The following ELMO1 variants were observed in gnomAD, a reference collection of about 807,000 sequenced individuals.
The protein encoded by ELMO1 is engulfment and cell motility 1.
In ELMO1, 26 loss-of-function variants were observed where a neutral mutation model predicts 98.9. That is an observed-to-expected ratio of 0.26 (90% CI 0.19 to 0.36). The LOEUF (loss-of-function observed/expected upper bound fraction) is 0.36, where lower values mean the gene tolerates loss of function less well. Ranked by LOEUF, ELMO1 falls within the 10% of genes least tolerant of loss-of-function variation. The pLI is 1.00. For synonymous variants in ELMO1, 346 were observed against 346.0 expected, an observed-to-expected ratio of 1.00 and a Z score of 0.00; for missense variants, 627 against 935.2, an observed-to-expected ratio of 0.67 and a Z score of 4.30.
chr7:37,236,911 T>C (rs192245557), intron 7 of ELMO1, among the ~76,000 whole-genome samples: 1 of 152,322 alleles, frequency 6.6e-6, no homozygotes, highest in Admixed American at 6.5e-5. Context: ...CTGAAATCAA[T>C]GCTGGGTATA....
intron 15 of ELMO1, among the ~76,000 whole-genome samples, chr7:37,023,338 CAAGAT>C (rs1255798585): frequency 2.0e-5 from 3 of 152,124 alleles, no homozygotes; most frequent in African/African-American, 4.8e-5. Flanking sequence ...ATCCAGTAGA[CAAGAT>C]AAAACTATAA....
chr7:37,256,609 G>C (rs1281006033), intron 6 of ELMO1, among the ~76,000 whole-genome samples: 1 of 127,096 alleles, frequency 7.9e-6, no homozygotes, highest in Non-Finnish European at 1.7e-5. Context: ...GGAGGGAAAA[G>C]GGGAGGGGAG....
chr7:36,953,836 G>GTTTT (rs1000254663), intron 16 of ELMO1, among the ~76,000 whole-genome samples: 1 of 129,588 alleles, frequency 7.7e-6, no homozygotes, highest in Non-Finnish European at 1.6e-5. Flanking sequence ...GTATGGGTAT[G>GTTTT]TTTTGTGTGT....
At chr7:36,953,412 T>A (rs1788158266) in intron 16 of ELMO1, among the ~76,000 whole-genome samples, 1 of 152,232 alleles carries the variant, frequency 6.6e-6, no homozygotes, top group African/African-American at 2.4e-5. Flanking sequence ...TATGTGTTTA[T>A]TACGCAAGTA....
At chr7:37,041,150 G>T (rs1795483740) in intron 15 of ELMO1, among the ~76,000 whole-genome samples, 1 of 152,088 alleles carries the variant, frequency 6.6e-6, no homozygotes, top group South Asian at 2.1e-4. Flanking sequence ...TCAGAGAAAA[G>T]AGGGGCATAT....
chr7:36,895,166 A>G, intron 16 of ELMO1, 149 bp from the exon 17 acceptor site: 3 of 806,220 alleles, frequency 3.7e-6, no homozygotes, highest in Non-Finnish European at 5.7e-6. Context: ...AAAACAGTCA[A>G]CTTCCATTAT....
In ELMO1 at chr7:37,211,378, T is replaced by C; in HGVS notation, c.1086+8A>G. On this transcript the variant is annotated splice_region_variant and intron_variant, in intron 13 of 21. Transcript: ENST00000310758. Reference sequence around the variant, plus strand: ...AGGGAGAGCGCATACTGGAGATAGCTTACTTACAATGAACCCAAGCTTCTT... The same window carrying C: ...AGGGAGAGCGCATACTGGAGATAGCCTACTTACAATGAACCCAAGCTTCTT... 6.2e-7 allele frequency: 1 copy of C among 1,613,960 alleles called. No homozygotes were observed. Among genetic ancestry groups the C allele is most frequent in the African/African-American group, 1.3e-5 (1 of 75,036 alleles).
rs187277003 is a variant in ELMO1, at chr7:36,962,808, C to A, written c.1437+50491G>T. Among the ~76,000 whole-genome samples the A allele has an allele frequency of 6.7e-3, 997 of 149,064 alleles. 28 individuals carry two copies. Among genetic ancestry groups the A allele is most frequent in the Admixed American group, 0.048 (704 of 14,750 alleles). On this transcript the variant is annotated intron_variant, in intron 16 of 21. Transcript: ENST00000310758. ...GCAGTTAGCATCAATAAACAAAGATCTTAAATAAAAGCTTTGGGTATGTGT... is the reference window on the plus strand; with the variant it reads ...GCAGTTAGCATCAATAAACAAAGATATTAAATAAAAGCTTTGGGTATGTGT...
intron 5 of ELMO1, chr7:37,271,561 T>G (rs1338419520): frequency 7.5e-6 from 3 of 399,976 alleles, no homozygotes; most frequent in Admixed American, 4.2e-5. Context: ...CTCATAATGT[T>G]TTGAGAAAGT....
intron 16 of ELMO1, among the ~76,000 whole-genome samples, chr7:36,965,067 C>T (rs1159898757): frequency 6.6e-6 from 1 of 152,104 alleles, no homozygotes; most frequent in Non-Finnish European, 1.5e-5. Context: ...GCTTTCCTGG[C>T]CTGAAACACT....
chr7:37,420,409 T>C (rs1804422882), intron 1 of ELMO1, among the ~76,000 whole-genome samples: 1 of 152,240 alleles, frequency 6.6e-6, no homozygotes, highest in South Asian at 2.1e-4. Context: ...TCATTCTAAA[T>C]AAACCATTCA....
intron 13 of ELMO1, among the ~76,000 whole-genome samples, chr7:37,147,856 T>C (rs1481835636): frequency 6.6e-6 from 1 of 151,440 alleles, no homozygotes; most frequent in Admixed American, 6.6e-5. Flanking sequence ...AGCCAGTTAT[T>C]TAGCCCAGGA....
At chr7:36,877,576 ACT>A (rs1325560213) in intron 19 of ELMO1, among the ~76,000 whole-genome samples, 2 of 152,212 alleles carry the variant, frequency 1.3e-5, no homozygotes, top group African/African-American at 4.8e-5. Flanking sequence ...TCTGCCATTA[ACT>A]CTGTGTCATA....
At chr7:36,981,973 G>A (rs570413386) in intron 16 of ELMO1, among the ~76,000 whole-genome samples, 36 of 152,340 alleles carry the variant, frequency 2.4e-4, no homozygotes, top group Non-Finnish European at 4.4e-4. Flanking sequence ...AGTGTGCAAG[G>A]AATGTTCTGA....
At chr7:36,862,015 A>G (rs1297085185) in intron 20 of ELMO1, 1 of 413,232 alleles carries the variant, frequency 2.4e-6, no homozygotes, top group Non-Finnish European at 4.5e-6. Context: ...GAGAGGCTCA[A>G]TGAGTGTCCA....
intron 16 of ELMO1, among the ~76,000 whole-genome samples, chr7:36,990,011 T>G (rs1300269418): frequency 2.0e-5 from 3 of 152,222 alleles, no homozygotes; most frequent in Admixed American, 6.5e-5. Flanking sequence ...AATAAGCTCT[T>G]TCGTCCACCT....
chr7:37,207,535 A>T (rs964450955), intron 13 of ELMO1, among the ~76,000 whole-genome samples: 2 of 152,178 alleles, frequency 1.3e-5, no homozygotes, highest in African/African-American at 4.8e-5. Context: ...TGGGTGACAG[A>T]GCGAGACTCT....
At chr7:37,013,016 C>T (rs1271096543) in intron 16 of ELMO1, among the ~76,000 whole-genome samples, 1 of 152,184 alleles carries the variant, frequency 6.6e-6, no homozygotes, top group Non-Finnish European at 1.5e-5. Flanking sequence ...AAACATTCGC[C>T]TTGATAACGT....
At chr7:37,195,253 C>G (rs1791894542) in intron 13 of ELMO1, among the ~76,000 whole-genome samples, 1 of 152,312 alleles carries the variant, frequency 6.6e-6, no homozygotes, top group Non-Finnish European at 1.5e-5. Flanking sequence ...CAATCAATTC[C>G]ATGAAGGCCT....
Sources: gnomAD v4.1 joint callset for allele counts (sites outside exome capture counted in the v4.1 genomes callset) on GRCh38, gnomAD v4.1.1 for gene constraint, MANE v1.5 for transcripts, NCBI Gene and HGNC (gene_info 2026-07-23, HGNC 2026-07-21) for gene names.